Variants in ANKRD30A observed in about 807,000 individuals in gnomAD.
ANKRD30A encodes ankyrin repeat domain-containing protein 30A.
In ANKRD30A, 170 loss-of-function variants were observed where a neutral mutation model predicts 166.3. The observed-to-expected ratio is 1.02, with a 90% CI of 0.90 to 1.16. The LOEUF (loss-of-function observed/expected upper bound fraction) is 1.16, where lower values mean the gene tolerates loss of function less well. Among genes scored for constraint, ANKRD30A ranks in the 50% most tolerant of loss-of-function variants. The pLI, the probability that ANKRD30A is intolerant of heterozygous loss-of-function variation, is 0.00. For synonymous variants in ANKRD30A, 564 were observed against 508.9 expected, an observed-to-expected ratio of 1.11 and a Z score of -1.46; for missense variants, 1,630 against 1,518.0, an observed-to-expected ratio of 1.07 and a Z score of -1.23.
At chr10:37,154,900 T>C (rs1178332532) in intron 13 of ANKRD30A, among the ~76,000 whole-genome samples, 1 of 152,196 alleles carries the variant, frequency 6.6e-6, no homozygotes. Context: ...TTTATTACTA[T>C]GAGGCATCAA....
chr10:37,251,567 G>A, the ANKRD30A span, among the ~76,000 whole-genome samples: 1 of 152,044 alleles, frequency 6.6e-6, no homozygotes, highest in African/African-American at 2.4e-5. Context: ...TGCTAAAGTG[G>A]CTTCATTTCT....
the ANKRD30A span, among the ~76,000 whole-genome samples, chr10:37,251,547 G>A: frequency 3.3e-5 from 5 of 152,100 alleles, no homozygotes; most frequent in African/African-American, 1.2e-4. Flanking sequence ...GTTTGACCAG[G>A]TACTAAAGTT....
chr10:37,144,403 A>G (rs1376699988), intron 7 of ANKRD30A, among the ~76,000 whole-genome samples: 2 of 152,214 alleles, frequency 1.3e-5, no homozygotes, highest in Non-Finnish European at 2.9e-5. Context: ...ATCTCATTGT[A>G]ATTAAAGCAG....
At chr10:37,206,252 T>C (rs1841986779) in intron 31 of ANKRD30A, among the ~76,000 whole-genome samples, 3 of 152,210 alleles carry the variant, frequency 2.0e-5, no homozygotes, top group South Asian at 4.2e-4. Context: ...AGAAGGAAAC[T>C]TGAGTGAATT....
intron 17 of ANKRD30A, among the ~76,000 whole-genome samples, chr10:37,164,489 A>G (rs1839147689): frequency 6.6e-6 from 1 of 152,060 alleles, no homozygotes. Context: ...ATTGTAAATG[A>G]AGCAGTTCTT....
intron 5 of ANKRD30A, among the ~76,000 whole-genome samples, chr10:37,134,550 C>T (rs1172880124): frequency 6.6e-6 from 1 of 152,168 alleles, no homozygotes; most frequent in Non-Finnish European, 1.5e-5. Context: ...TAACACAGAT[C>T]CCTCAGTCTT....
chr10:37,244,332 C>T, the ANKRD30A span, among the ~76,000 whole-genome samples: 1 of 152,174 alleles, frequency 6.6e-6, no homozygotes, highest in African/African-American at 2.4e-5. Context: ...GTCAGACTGG[C>T]ACCACGTAGA....
intron 13 of ANKRD30A, among the ~76,000 whole-genome samples, chr10:37,156,076 AT>A (rs1838358771): frequency 1.4e-5 from 2 of 144,214 alleles, no homozygotes; most frequent in Non-Finnish European, 1.5e-5. Flanking sequence ...GTGATACGCT[AT>A]CAAAAAAAAA....
At chr10:37,159,710 GT>G (rs1022208407) in intron 15 of ANKRD30A, among the ~76,000 whole-genome samples, 1 of 151,384 alleles carries the variant, frequency 6.6e-6, no homozygotes, top group Admixed American at 6.6e-5. Context: ...TTTTTGTTTT[GT>G]TTTGTTTTTG....
chr10:37,195,041 C>T (rs189807430), intron 27 of ANKRD30A, among the ~76,000 whole-genome samples: 253 of 152,012 alleles, frequency 1.7e-3, no homozygotes, highest in African/African-American at 3.7e-3. Flanking sequence ...GTTTACACTT[C>T]TTAGAAAATA....
intron 31 of ANKRD30A, among the ~76,000 whole-genome samples, chr10:37,214,775 G>C (rs148360319): frequency 1.4e-3 from 219 of 151,192 alleles, no homozygotes; most frequent in African/African-American, 5.0e-3. Context: ...AATTACAATT[G>C]TGTATTTTCA....
At position 37,131,358 on chromosome 10, in the gene ANKRD30A, A is replaced by G. The variant is rs187870826; in HGVS notation, c.511-882A>G. Among the ~76,000 whole-genome samples the G allele has an allele frequency of 2.1e-4, 32 of 152,354 alleles. No homozygotes were observed. In the East Asian group the frequency reaches 5.8e-3, roughly 28 times the overall value. On this transcript the variant is annotated intron_variant, in intron 3 of 35. Coordinates refer to ENST00000361713, the MANE Select transcript of ANKRD30A (RefSeq NM_052997.3). ...GATTACTGCATTTTAAGAAGTAGAT[A>G]TGCATTAGAATTTTAGGATTATCAT...
chr10:37,225,742 A>G (rs1373987691), intron 34 of ANKRD30A, among the ~76,000 whole-genome samples: 3 of 151,816 alleles, frequency 2.0e-5, no homozygotes, highest in African/African-American at 7.3e-5. Flanking sequence ...TACAAAAGCA[A>G]GCAGTACGCC....
rs187629246 is a variant in ANKRD30A, at chr10:37,167,282, C to T, written c.2155+587C>T. On this transcript the variant is annotated intron_variant, in intron 19 of 35. Coordinates refer to ENST00000361713, the MANE Select transcript of ANKRD30A (RefSeq NM_052997.3). ...ATTAATTTTCTTTATTACTATGAGGCGTCAAATATATATATATATAGATGT... is the reference window on the plus strand; with the variant it reads ...ATTAATTTTCTTTATTACTATGAGGTGTCAAATATATATATATATAGATGT... Among the ~76,000 whole-genome samples, 161 of 101,524 alleles carry T rather than the reference C, an allele frequency of 1.6e-3. 1 individual carries two copies. Among genetic ancestry groups the T allele is most frequent in the African/African-American group, 6.5e-3 (141 of 21,778 alleles). The allele number at this position is 101,524 out of a possible 152,430, so 66.6% of individuals were successfully genotyped here.
chr10:37,145,727 C>A (rs1027537409), intron 8 of ANKRD30A, among the ~76,000 whole-genome samples: 1 of 150,040 alleles, frequency 6.7e-6, no homozygotes, highest in Middle Eastern at 3.2e-3. Flanking sequence ...TATATCTAGA[C>A]GTACAAAAAT....
chr10:37,126,350 A>G (rs1356025891), intron 1 of ANKRD30A, among the ~76,000 whole-genome samples: 1 of 152,262 alleles, frequency 6.6e-6, no homozygotes, highest in East Asian at 1.9e-4. Context: ...ACAGGGTTTT[A>G]CATTTAATGT....
At chr10:37,236,280 C>G (rs1266427412), downstream of ANKRD30A, among the ~76,000 whole-genome samples, 1 of 152,146 alleles carries the variant, frequency 6.6e-6, no homozygotes, top group Non-Finnish European at 1.5e-5. Context: ...AACATACCCG[C>G]TTTATTGCTG....
At chr10:37,219,942 A>G in intron 34 of ANKRD30A, 45 bp downstream of exon 34, 1 of 1,347,610 alleles carries the variant, frequency 7.4e-7, no homozygotes, top group Middle Eastern at 2.0e-4. Context: ...TCCTGAAAGA[A>G]AGTTTAAAGT....
At chr10:37,246,691 C>G in the ANKRD30A span, among the ~76,000 whole-genome samples, 1 of 152,066 alleles carries the variant, frequency 6.6e-6, no homozygotes, top group Non-Finnish European at 1.5e-5. Context: ...TTACCAGGCT[C>G]TTTTCAGAAA....
Sources: gnomAD v4.1 joint callset for allele counts (sites outside exome capture counted in the v4.1 genomes callset) on GRCh38, gnomAD v4.1.1 for gene constraint, MANE v1.5 for transcripts, NCBI Gene and HGNC (gene_info 2026-07-23, HGNC 2026-07-21) for gene names.